The following SLCO4C1 variants were observed in gnomAD, a reference collection of about 807,000 sequenced individuals.
The protein encoded by SLCO4C1 is solute carrier organic anion transporter family member 4C1.
Under a neutral mutation model 72.1 loss-of-function variants are expected in SLCO4C1, and 58 were observed. The ratio of observed to expected loss-of-function variants is 0.80; its 90% CI spans 0.65 to 1.00. The LOEUF (loss-of-function observed/expected upper bound fraction) is 1.00. Among genes scored for constraint, SLCO4C1 ranks in the 50% least tolerant of loss-of-function variants. The probability of loss-of-function intolerance (pLI) is 0.00; values close to 1 mark genes in which losing one functional copy is unlikely to be tolerated. For synonymous variants in SLCO4C1, 297 were observed against 312.5 expected, an observed-to-expected ratio of 0.95 and a Z score of 0.52; for missense variants, 898 against 857.9, an observed-to-expected ratio of 1.05 and a Z score of -0.58.
rs1246758475 is a variant in SLCO4C1, at chr5:102,257,146, G to T, written c.1438C>A (p.Pro480Thr). 3 of 1,593,396 alleles carry T rather than the reference G, an allele frequency of 1.9e-6. No homozygotes were observed. The highest frequency in any genetic ancestry group is 2.6e-6 in the Non-Finnish European group (3 of 1,171,528). The change falls in exon 8 of 13, where the codon CCA becomes ACA. Residue 480 changes from proline to threonine, a missense_variant. By Grantham distance (38) the Pro-to-Thr change is conservative. Coordinates refer to ENST00000310954, the MANE Select transcript of SLCO4C1 (RefSeq NM_180991.5). ...TATGATTCAGATACACCAGCAAATG[G>T]CTCATTTTCACATTTGGCATACATA... is the stretch of plus-strand genomic sequence containing the variant. ...VFMYAKCENE[P>T]FAGVSESYNG...
chr5:102,243,755 A>T (rs561106948), intron 10 of SLCO4C1, among the ~76,000 whole-genome samples: 1 of 152,370 alleles, frequency 6.6e-6, no homozygotes, highest in Admixed American at 6.5e-5. Context: ...ATGGCACCAG[A>T]GACCAATCTG....
intron 7 of SLCO4C1, 105 bp from the exon 8 acceptor site, chr5:102,257,415 A>G (rs1300572687): frequency 1.2e-6 from 1 of 838,798 alleles, no homozygotes; most frequent in African/African-American, 1.8e-5. Flanking sequence ...GTTTTAACTT[A>G]TATTTATTCA....
intron 2 of SLCO4C1, among the ~76,000 whole-genome samples, chr5:102,286,981 A>G (rs1561381788): frequency 6.6e-6 from 1 of 152,052 alleles, no homozygotes; most frequent in Non-Finnish European, 1.5e-5. Flanking sequence ...GTGAGCCCTG[A>G]TTTTGATTTC....
intron 10 of SLCO4C1, 142 bp downstream of exon 10, chr5:102,247,110 A>G: frequency 2.0e-6 from 1 of 499,992 alleles, no homozygotes; most frequent in Non-Finnish European, 3.3e-6. Flanking sequence ...GAGCTTGTCC[A>G]ATGCCACAGA....
chr5:102,244,235 T>C (rs1364439868), intron 10 of SLCO4C1, among the ~76,000 whole-genome samples: 2 of 152,058 alleles, frequency 1.3e-5, no homozygotes, highest in African/African-American at 4.8e-5. Flanking sequence ...AAAAATGCAA[T>C]TGGCGTATTG....
intron 9 of SLCO4C1, 22 bp downstream of exon 9, chr5:102,249,616 A>G (rs754760755): frequency 6.2e-7 from 1 of 1,612,630 alleles, no homozygotes; most frequent in South Asian, 1.1e-5. Context: ...TCATTAAGGG[A>G]AAAGTAGGAG....
At chr5:102,284,264 G>A (rs1749408461) in intron 2 of SLCO4C1, among the ~76,000 whole-genome samples, 1 of 151,996 alleles carries the variant, frequency 6.6e-6, no homozygotes, top group Non-Finnish European at 1.5e-5. Flanking sequence ...CAAGGCATTA[G>A]GCTCTTAATA....
chr5:102,287,709 TA>T (rs1474408788), intron 2 of SLCO4C1, among the ~76,000 whole-genome samples: 1 of 151,530 alleles, frequency 6.6e-6, no homozygotes, highest in Non-Finnish European at 1.5e-5. Flanking sequence ...CACACATGGC[TA>T]ATTTTTTTTT....
intron 2 of SLCO4C1, among the ~76,000 whole-genome samples, chr5:102,273,712 T>G (rs1749195111): frequency 6.6e-6 from 1 of 152,162 alleles, no homozygotes; most frequent in African/African-American, 2.4e-5. Flanking sequence ...AGGGTACATT[T>G]TAGCCTATAG....
chr5:102,251,997 G>C (rs1561368640), intron 8 of SLCO4C1, among the ~76,000 whole-genome samples: 1 of 151,170 alleles, frequency 6.6e-6, no homozygotes, highest in Non-Finnish European at 1.5e-5. Context: ...CGGAATGAGG[G>C]AGTGAAGGAG....
intron 10 of SLCO4C1, among the ~76,000 whole-genome samples, chr5:102,241,235 C>A (rs189093970): frequency 3.3e-5 from 5 of 151,870 alleles, no homozygotes; most frequent in African/African-American, 1.2e-4. Context: ...GAATTCTATT[C>A]GGCATAGTAC....
In SLCO4C1 at chr5:102,260,247, C is replaced by T; in HGVS notation, c.1094G>A (p.Gly365Glu). 1 of 1,400,460 alleles carries T rather than the reference C, an allele frequency of 7.1e-7. No individual in the cohort carries two copies. Among genetic ancestry groups the T allele is most frequent in the Non-Finnish European group, 9.4e-7 (1 of 1,067,804 alleles). The allele number at this position is 1,400,460 out of a possible 1,614,324, so 86.8% of individuals were successfully genotyped here. Residue 365 changes from glycine to glutamate, a missense_variant, in exon 6 of 13, where the codon GGA becomes GAA. Gly to Glu is a moderately conservative substitution (Grantham distance 98). Coordinates refer to ENST00000310954, the MANE Select transcript of SLCO4C1 (RefSeq NM_180991.5). The part of the protein sequence containing the change: ...QSNSNADVKF[G>E]KSIKDFPAAL... The stretch of plus-strand genomic sequence containing the variant: ...AGCTGGAAAATCTTTAATACTTTTT[C>T]CAAATTTCACATCTGCATTACTATT...
chr5:102,260,317 T>G lies in SLCO4C1; in HGVS notation c.1024A>C (p.Thr342Pro). ...FSCFPKHLPGTAEIQAGKTSQ... is the reference protein window; with the variant it reads ...FSCFPKHLPGPAEIQAGKTSQ... ...GTTTTTCCAGCTTGAATTTCTGCTG[T>G]ACCTAAAAAAAAAATATATATATAT... Residue 342 changes from threonine (T) to proline (P), a missense_variant and splice_region_variant, in exon 6 of 13, where the codon ACA becomes CCA. Physicochemically the swap from Thr to Pro is conservative, Grantham distance 38. Coordinates refer to ENST00000310954, the MANE Select transcript of SLCO4C1 (RefSeq NM_180991.5). The G allele has an allele frequency of 1.1e-6, 1 of 889,398 alleles. No homozygotes were observed. The highest frequency in any genetic ancestry group is 1.4e-6 in the Non-Finnish European group (1 of 694,254). The allele number at this position is 889,398 out of a possible 1,614,324, so 55.1% of individuals were successfully genotyped here.
chr5:102,242,875 G>A (rs10038686), intron 10 of SLCO4C1, among the ~76,000 whole-genome samples: 38,583 of 151,968 alleles, frequency 0.25, 5,374 homozygotes, highest in Non-Finnish European at 0.31. Flanking sequence ...TCACTGCCCC[G>A]GGGGGTAGAG....
chr5:102,283,357 T>G (rs565524978), intron 2 of SLCO4C1, among the ~76,000 whole-genome samples: 2 of 152,178 alleles, frequency 1.3e-5, no homozygotes, highest in East Asian at 3.9e-4. Context: ...TGTAGTTCTA[T>G]CACAGTGTGT....
rs753737809 is a variant in SLCO4C1 at position 102,296,031 on chromosome 5, G to A, written c.232C>T (p.Leu78=). 2 of 1,614,248 alleles carry A rather than the reference G, an allele frequency of 1.2e-6. No homozygotes were observed. The highest frequency in any genetic ancestry group is 4.5e-5 in the East Asian group (2 of 44,884). ...CCCTCCTCAAACTCGGACAGCGACA[G>A]TGACCGGAGCTTCTCTTCGGAGACA... The part of the protein sequence containing the change: ...PNVSEEKLRS[L]SLSEFEEGSY... The change falls in exon 1 of 13, where the codon CTG becomes TTG. Residue 78 remains leucine, a synonymous_variant. Coordinates refer to ENST00000310954, the MANE Select transcript of SLCO4C1 (RefSeq NM_180991.5).
At chr5:102,251,679 G>T (rs1162471175) in intron 8 of SLCO4C1, among the ~76,000 whole-genome samples, 1 of 152,152 alleles carries the variant, frequency 6.6e-6, no homozygotes, top group African/African-American at 2.4e-5. Context: ...GTATGGTATT[G>T]TAAGTAATAA....
At chr5:102,264,776 C>T (rs1366949397) in intron 3 of SLCO4C1, among the ~76,000 whole-genome samples, 1 of 151,992 alleles carries the variant, frequency 6.6e-6, no homozygotes, top group Non-Finnish European at 1.5e-5. Flanking sequence ...ATATCCTCCC[C>T]TTCCCATATC....
chr5:102,265,684 C>T (rs1221819163), intron 3 of SLCO4C1, among the ~76,000 whole-genome samples: 1 of 152,106 alleles, frequency 6.6e-6, no homozygotes, highest in South Asian at 2.1e-4. Flanking sequence ...TGTTTTGATA[C>T]CAACACCATC....
Sources: gnomAD v4.1 joint callset for allele counts (sites outside exome capture counted in the v4.1 genomes callset) on GRCh38, gnomAD v4.1.1 for gene constraint, MANE v1.5 for transcripts, NCBI Gene and HGNC (gene_info 2026-07-23, HGNC 2026-07-21) for gene names.